The following SHISA9 variants were observed in gnomAD, a reference collection of about 807,000 sequenced individuals.
The protein encoded by SHISA9 is protein shisa-9.
A neutral mutation model predicts 38.0 loss-of-function variants in SHISA9; 13 were observed. The ratio of observed to expected loss-of-function variants is 0.34; its 90% CI spans 0.22 to 0.54. SHISA9 has a LOEUF of 0.54. Ranked by LOEUF, SHISA9 falls within the 20% of genes least tolerant of loss-of-function variation. The pLI is 0.91. For missense variants in SHISA9, 538 were observed against 575.8 expected, an observed-to-expected ratio of 0.93 and a Z score of 0.67; for synonymous variants, 275 against 242.0, an observed-to-expected ratio of 1.14 and a Z score of -1.27.
chr16:13,397,583 C>T, the SHISA9 span, among the ~76,000 whole-genome samples: 18 of 152,214 alleles, frequency 1.2e-4, no homozygotes, highest in South Asian at 4.2e-4. Context: ...TACAGGTGCA[C>T]GCCACCACAC....
intron 2 of SHISA9, among the ~76,000 whole-genome samples, chr16:13,139,876 T>C (rs2050384138): frequency 1.3e-5 from 2 of 152,122 alleles, no homozygotes; most frequent in Admixed American, 1.3e-4. Flanking sequence ...TCAGAGTCAC[T>C]CATTAAGCTA....
At chr16:13,477,040 A>G in the SHISA9 span, among the ~76,000 whole-genome samples, 14,235 of 152,070 alleles carry the variant, frequency 0.094, 695 homozygotes, top group African/African-American at 0.12. Context: ...CACTGCGCCC[A>G]GCCTTTTTTT....
chr16:13,494,631 C>T, the SHISA9 span, among the ~76,000 whole-genome samples: 1 of 151,852 alleles, frequency 6.6e-6, no homozygotes, highest in Non-Finnish European at 1.5e-5. Flanking sequence ...AAAACATGAA[C>T]TTATAGGGGA....
chr16:13,024,397 C>T (rs1015104716), intron 2 of SHISA9, among the ~76,000 whole-genome samples: 2 of 152,230 alleles, frequency 1.3e-5, no homozygotes, highest in African/African-American at 4.8e-5. Flanking sequence ...GCCCAGTTGG[C>T]CCAGAGCCTC....
chr16:13,222,360 C>G (rs2051235464), intron 4 of SHISA9, among the ~76,000 whole-genome samples: 1 of 152,196 alleles, frequency 6.6e-6, no homozygotes, highest in African/African-American at 2.4e-5. Flanking sequence ...CCTTGTTGCA[C>G]TATGACTCTT....
At chr16:13,386,620 G>T in the SHISA9 span, among the ~76,000 whole-genome samples, 2 of 152,068 alleles carry the variant, frequency 1.3e-5, no homozygotes, top group Admixed American at 6.5e-5. Context: ...TATTATACAC[G>T]TATCTTTGAA....
intron 4 of SHISA9, among the ~76,000 whole-genome samples, chr16:13,221,072 C>A (rs2051219730): frequency 6.6e-6 from 1 of 151,858 alleles, no homozygotes; most frequent in South Asian, 2.1e-4. Flanking sequence ...CTGTTGGGAG[C>A]CTTCAGGGTT....
At position 12,942,238 on chromosome 16, in the gene SHISA9, C is replaced by T. The variant is rs2071621355; in HGVS notation, c.691+25423C>T. On this transcript the variant is annotated intron_variant, in intron 2 of 4. Coordinates refer to ENST00000558583, the MANE Select transcript of SHISA9 (RefSeq NM_001145204.3). ...GGTTTCAATTCTCTTGTATTTCCCT[C>T]CTCGGGACGGGAGAGTGGAACCTTC... Among the ~76,000 whole-genome samples the T allele has an allele frequency of 3.3e-5, 5 of 152,324 alleles. No individual in the cohort carries two copies. The South Asian group carries it at 1.0e-3, about 32-fold the overall frequency.
chr16:13,112,700 T>C (rs185318514), intron 2 of SHISA9, among the ~76,000 whole-genome samples: 1 of 152,184 alleles, frequency 6.6e-6, no homozygotes, highest in African/African-American at 2.4e-5. Flanking sequence ...TCATCTCTTA[T>C]TTGGATGCTT....
At chr16:13,260,003 C>CTTTTTTTTTT in the SHISA9 span, among the ~76,000 whole-genome samples, 2 of 59,356 alleles carry the variant, frequency 3.4e-5, no homozygotes, top group Admixed American at 2.0e-4. Context: ...TCTTTTCTTT[C>CTTTTTTTTTT]TTTCTTTTTT....
chr16:13,186,629 C>T (rs9925159), intron 2 of SHISA9, among the ~76,000 whole-genome samples: 6 of 151,918 alleles, frequency 3.9e-5, no homozygotes, highest in African/African-American at 9.7e-5. Flanking sequence ...TGTACATTTC[C>T]GTAGAGTTTA....
the SHISA9 span, among the ~76,000 whole-genome samples, chr16:13,406,062 A>T: frequency 6.6e-6 from 1 of 152,232 alleles, no homozygotes; most frequent in Non-Finnish European, 1.5e-5. Context: ...ACGACAACCT[A>T]CAGAATGGGA....
At chr16:13,488,657 T>G in the SHISA9 span, among the ~76,000 whole-genome samples, 1 of 141,268 alleles carries the variant, frequency 7.1e-6, no homozygotes, top group African/African-American at 2.5e-5. Flanking sequence ...ATCCTGAGTA[T>G]GTAGTAGGTG....
chr16:13,026,306 T>A (rs141774910), intron 2 of SHISA9, among the ~76,000 whole-genome samples: 10 of 152,368 alleles, frequency 6.6e-5, no homozygotes, highest in African/African-American at 2.4e-4. Flanking sequence ...GAGTCCTTAT[T>A]GAAGTGGAAT....
the SHISA9 span, among the ~76,000 whole-genome samples, chr16:13,293,625 C>G: frequency 0.093 from 14,219 of 152,214 alleles, 697 homozygotes; most frequent in South Asian, 0.19. Context: ...TTATTATTGG[C>G]AATGTTTTTG....
At chr16:13,064,861 A>C (rs1165606149) in intron 2 of SHISA9, among the ~76,000 whole-genome samples, 1 of 152,116 alleles carries the variant, frequency 6.6e-6, no homozygotes, top group African/African-American at 2.4e-5. Flanking sequence ...ATATAAACCA[A>C]ACAGCCAAGG....
At chr16:13,282,057 T>A in the SHISA9 span, among the ~76,000 whole-genome samples, 2 of 151,924 alleles carry the variant, frequency 1.3e-5, no homozygotes, top group African/African-American at 2.4e-5. Context: ...AAACAATATT[T>A]TATATTAAAT....
At chr16:13,199,807 C>G (rs377554389) in intron 2 of SHISA9, among the ~76,000 whole-genome samples, 3 of 152,160 alleles carry the variant, frequency 2.0e-5, no homozygotes, top group Non-Finnish European at 4.4e-5. Flanking sequence ...TTGATTCAGG[C>G]TCCATGCTCG....
At chr16:13,184,209 A>G (rs1472101997) in intron 2 of SHISA9, among the ~76,000 whole-genome samples, 1 of 152,088 alleles carries the variant, frequency 6.6e-6, no homozygotes, top group Non-Finnish European at 1.5e-5. Flanking sequence ...ACCTATTTCC[A>G]TTCCACTGCC....
Sources: allele counts gnomAD v4.1 joint callset (sites outside exome capture counted in the v4.1 genomes callset), GRCh38; gene constraint gnomAD v4.1.1; transcripts MANE v1.5; gene names NCBI Gene and HGNC (gene_info 2026-07-23, HGNC 2026-07-21).